The following POLR1C variants were observed in gnomAD, a reference collection of about 807,000 sequenced individuals.
POLR1C encodes DNA-directed RNA polymerases I and III subunit RPAC1.
A neutral mutation model predicts 38.3 loss-of-function variants in POLR1C; 42 were observed. The ratio of observed to expected loss-of-function variants is 1.10; its 90% CI spans 0.86 to 1.42. POLR1C has a LOEUF of 1.42. POLR1C is among the 40% of genes most tolerant of loss of function. The probability of loss-of-function intolerance (pLI) is 0.00; values close to 1 mark genes in which losing one functional copy is unlikely to be tolerated. For missense variants in POLR1C, 507 were observed against 450.5 expected, an observed-to-expected ratio of 1.13 and a Z score of -1.14; for synonymous variants, 163 against 163.9, an observed-to-expected ratio of 0.99 and a Z score of 0.04.
chr6:43,537,708 T>C (rs1019722636), intron 9 of POLR1C, among the ~76,000 whole-genome samples: 2 of 151,944 alleles, frequency 1.3e-5, no homozygotes, highest in Non-Finnish European at 2.9e-5. Context: ...AGAGATGCAA[T>C]CATCAAAATT....
chr6:43,525,368 G>A (rs1582191755), downstream of POLR1C: 6 of 692,558 alleles, frequency 8.7e-6, no homozygotes, highest in South Asian at 1.2e-4. Flanking sequence ...GAACTCCTGG[G>A]CTCAAGCTAT....
At chr6:43,526,468 G>A, downstream of POLR1C, 1 of 583,440 alleles carries the variant, frequency 1.7e-6, no homozygotes, top group Non-Finnish European at 3.1e-6. Flanking sequence ...CACATATATG[G>A]TTGGGAGGAA....
intron 10 of POLR1C, chr6:43,555,981 C>T (rs375961223): frequency 6.2e-7 from 1 of 1,612,696 alleles, no homozygotes; most frequent in Non-Finnish European, 8.5e-7. Context: ...AGAGAAAATG[C>T]CAAGGGAAGG....
At chr6:43,522,518 C>G (rs1793252270), downstream of POLR1C, 1 of 223,180 alleles carries the variant, frequency 4.5e-6, no homozygotes, top group South Asian at 4.6e-5. Flanking sequence ...AGGCAGCTAT[C>G]AGGTTTGGAG....
intron 10 of POLR1C, among the ~76,000 whole-genome samples, chr6:43,554,114 TTTTG>T (rs946129262): frequency 4.6e-5 from 7 of 152,174 alleles, no homozygotes; most frequent in African/African-American, 7.2e-5. Context: ...GCTTTTCTTT[TTTTG>T]TTTGTTTGAG....
chr6:43,536,178 G>A (rs2127713869), intron 9 of POLR1C, among the ~76,000 whole-genome samples: 1 of 151,940 alleles, frequency 6.6e-6, no homozygotes, highest in African/African-American at 2.4e-5. Flanking sequence ...ACTTTGGGAG[G>A]CTAAGGCAGA....
intron 10 of POLR1C, chr6:43,554,831 T>G (rs1761961980): frequency 6.6e-6 from 1 of 152,198 alleles, no homozygotes; most frequent in African/African-American, 2.4e-5. Context: ...TTACCAAATA[T>G]CAGAGAATTT....
intron 10 of POLR1C, among the ~76,000 whole-genome samples, chr6:43,556,745 T>C (rs140260429): frequency 1.3e-5 from 2 of 152,248 alleles, no homozygotes; most frequent in African/African-American, 2.4e-5. Flanking sequence ...TTATTTGTAA[T>C]AGCCAAAAAA....
chr6:43,534,051 GAAGGA>G, downstream of POLR1C: 1 of 1,477,352 alleles, frequency 6.8e-7, no homozygotes, highest in South Asian at 1.1e-5. Context: ...ATCTGATGCA[GAAGGA>G]AAGAGTGGGT....
At chr6:43,544,557 G>A (rs1003746578) in intron 9 of POLR1C, among the ~76,000 whole-genome samples, 11 of 152,194 alleles carry the variant, frequency 7.2e-5, no homozygotes, top group African/African-American at 2.4e-4. Flanking sequence ...AGGTCTAGGT[G>A]ATTAGCTTCT....
chr6:43,523,454 C>T (rs574951919), downstream of POLR1C: 9 of 342,930 alleles, frequency 2.6e-5, no homozygotes, highest in South Asian at 1.9e-4. Context: ...AACTCTGGCA[C>T]AAGTAGTTGA....
downstream of POLR1C, among the ~76,000 whole-genome samples, chr6:43,532,613 G>A (rs1324595935): frequency 6.6e-6 from 1 of 152,134 alleles, no homozygotes; most frequent in East Asian, 1.9e-4. Context: ...CTGCCATTCT[G>A]TTTGTCCAGA....
chr6:43,526,429 T>C (rs978867799), downstream of POLR1C: 4 of 515,306 alleles, frequency 7.8e-6, no homozygotes, highest in Non-Finnish European at 1.4e-5. Flanking sequence ...TGGGAAGAGG[T>C]GACATTGGAA....
At chr6:43,551,520 A>C in intron 10 of POLR1C, 5 of 1,575,008 alleles carry the variant, frequency 3.2e-6, no homozygotes, top group African/African-American at 2.7e-5. Flanking sequence ...TTTTGGCTAC[A>C]TTTTATTTTC....
intron 9 of POLR1C, among the ~76,000 whole-genome samples, chr6:43,534,763 C>T (rs1268528900): frequency 6.6e-6 from 1 of 151,888 alleles, no homozygotes; most frequent in African/African-American, 2.4e-5. Flanking sequence ...TTTGGGAGGC[C>T]GAGGCTGGCG....
intron 9 of POLR1C, chr6:43,539,507 AG>A (rs1794563375): frequency 6.4e-7 from 1 of 1,560,362 alleles, no homozygotes; most frequent in African/African-American, 1.3e-5. Flanking sequence ...CAAGCGGCCC[AG>A]CTTGGTGACG....
intron 9 of POLR1C, among the ~76,000 whole-genome samples, chr6:43,537,680 A>G (rs566165543): frequency 6.6e-6 from 1 of 152,356 alleles, no homozygotes; most frequent in South Asian, 2.1e-4. Context: ...GAAAGTAGAC[A>G]AGATCAAACA....
chr6:43,528,876 T>G, intron 8 of POLR1C: 4 of 1,613,956 alleles, frequency 2.5e-6, no homozygotes, highest in Non-Finnish European at 3.4e-6. Flanking sequence ...ATACCAGGGC[T>G]TCATAGTGCT....
At position 43,538,829 on chromosome 6, in the gene POLR1C, G is replaced by A. The variant is rs553606383; in HGVS notation, c.*4+9470G>A. 8.8e-6 allele frequency: 10 copies of A among 1,134,970 alleles called. No individual in the cohort carries two copies. The African/African-American group carries it at 1.4e-4, about 16-fold the overall frequency. 70.3% of individuals were successfully genotyped at this position (1,134,970 alleles called of 1,614,324 possible). On this transcript the variant is annotated intron_variant, in intron 9 of 10. Transcript: ENST00000607635. ...TTTTCTTGTATAAAAACCCTATGTT[G>A]TAGCCACAGCTGGAGCCTGGGTCTG...
Sources: gnomAD v4.1 joint callset for allele counts (sites outside exome capture counted in the v4.1 genomes callset) on GRCh38, gnomAD v4.1.1 for gene constraint, MANE v1.5 for transcripts, NCBI Gene and HGNC (gene_info 2026-07-23, HGNC 2026-07-21) for gene names.